TBK1: variants seen among roughly 807,000 people sequenced by gnomAD.
The protein encoded by TBK1 is serine/threonine-protein kinase TBK1.
A neutral mutation model predicts 99.9 loss-of-function variants in TBK1; 37 were observed. The ratio of observed to expected loss-of-function variants is 0.37; its 90% CI spans 0.28 to 0.49. The LOEUF (loss-of-function observed/expected upper bound fraction) is 0.49, where lower values mean the gene tolerates loss of function less well. TBK1 is among the 20% of genes least tolerant of loss of function. The pLI is 0.98. For synonymous variants in TBK1, 258 were observed against 279.8 expected (o/e 0.92, Z 0.78); for missense variants, 644 against 872.5 (o/e 0.74, Z 3.30).
chr12:64,466,592 A>G (rs536103135), intron 4 of TBK1, among the ~76,000 whole-genome samples: 126 of 152,232 alleles, frequency 8.3e-4, no homozygotes, highest in African/African-American at 2.9e-3. Flanking sequence ...ACCCACATAT[A>G]TATAACCAAA....
At chr12:64,496,866 A>C in intron 16 of TBK1, 83 bp from the exon 17 acceptor site, 1 of 882,558 alleles carries the variant, frequency 1.1e-6, no homozygotes, top group Non-Finnish European at 1.7e-6. Flanking sequence ...GGAAAGATAC[A>C]TTTCATATAT....
In TBK1 at chr12:64,485,513, GGTTA is replaced by G; in HGVS notation, c.1248+3_1248+6del. ...TAGACGGGGATGCTAGCATGGCTAA[GGTTA>G]GTATTTAATTTAATTACTATGTAAA... On this transcript the variant is annotated splice_donor_variant and splice_donor_region_variant and intron_variant, in intron 10 of 20. Transcript: ENST00000331710. LOFTEE classifies it high-confidence loss of function. 1 of 1,517,562 alleles carries G rather than the reference GGTTA, an allele frequency of 6.6e-7. No homozygotes were observed. The highest frequency in any genetic ancestry group is 1.2e-5 in the South Asian group (1 of 82,772). The allele number at this position is 1,517,562 out of a possible 1,614,324, so 94.0% of individuals were successfully genotyped here. A position where few individuals can be genotyped will look rare whatever the true frequency, so the allele number is the denominator to read the frequency against.
chr12:64,487,513 T>C (rs910094946), intron 11 of TBK1, among the ~76,000 whole-genome samples: 1 of 152,212 alleles, frequency 6.6e-6, no homozygotes, highest in African/African-American at 2.4e-5. Flanking sequence ...GCCTATGCTT[T>C]TCTGTTTCCA....
intron 13 of TBK1, among the ~76,000 whole-genome samples, chr12:64,492,997 G>A (rs915823288): frequency 6.7e-6 from 1 of 149,892 alleles, no homozygotes; most frequent in East Asian, 2.0e-4. Context: ...CTGGGTTCAC[G>A]CCATTCTCCT....
intron 5 of TBK1, among the ~76,000 whole-genome samples, chr12:64,471,780 A>G (rs572335918): frequency 3.2e-4 from 49 of 152,332 alleles, no homozygotes; most frequent in African/African-American, 1.1e-3. Context: ...CAAGCCAGTA[A>G]CACATCAGGA....
chr12:64,490,334 C>T (rs1034219118), intron 13 of TBK1, among the ~76,000 whole-genome samples: 1 of 152,030 alleles, frequency 6.6e-6, no homozygotes, highest in Non-Finnish European at 1.5e-5. Flanking sequence ...GGCAACTGCA[C>T]GAAATCTTGT....
rs750849456 is a variant in TBK1, at chr12:64,501,373, T to C, written c.2182T>C (p.Cys728Arg). ...TMDGGLRNVD[C>R]L ...GGATGGTGGCCTTCGCAACGTTGACTGTCTTTAGCTTTCTAATAGAAGTTT... is the reference window on the plus strand; with the variant it reads ...GGATGGTGGCCTTCGCAACGTTGACCGTCTTTAGCTTTCTAATAGAAGTTT... The change falls in exon 21 of 21, where the codon TGT becomes CGT. Residue 728 changes from cysteine to arginine, a missense_variant. By Grantham distance (180) the Cys-to-Arg change is radical (BLOSUM62 -3). Coordinates refer to ENST00000331710, the MANE Select transcript of TBK1 (RefSeq NM_013254.4). 3 of 1,613,894 alleles carry C rather than the reference T, an allele frequency of 1.9e-6. No homozygotes were observed. In the South Asian group the frequency reaches 3.3e-5, roughly 18 times the overall value.
chr12:64,497,791 A>G (rs1486051401), intron 19 of TBK1, 37 bp downstream of exon 19: 1 of 1,502,114 alleles, frequency 6.7e-7, no homozygotes, highest in South Asian at 1.2e-5. Context: ...TAGTGTTTCC[A>G]TTTGCTTTCA....
intron 13 of TBK1, among the ~76,000 whole-genome samples, chr12:64,493,189 C>T (rs968280044): frequency 1.4e-4 from 22 of 152,060 alleles, no homozygotes; most frequent in African/African-American, 5.1e-4. Context: ...CCACTGCGCC[C>T]GGCTTCGTAG....
intron 13 of TBK1, 123 bp from the exon 14 acceptor site, chr12:64,495,360 A>T: frequency 8.2e-7 from 1 of 1,217,086 alleles, no homozygotes; most frequent in Non-Finnish European, 1.1e-6. Context: ...GGAAATAATT[A>T]CTGTGCCTTT....
At chr12:64,495,308 C>G (rs2040914051) in intron 13 of TBK1, 175 bp from the exon 14 acceptor site, 5 of 691,024 alleles carry the variant, frequency 7.2e-6, no homozygotes, top group Non-Finnish European at 1.2e-5. Flanking sequence ...TACTGTACCC[C>G]TGGTGGAAAT....
chr12:64,455,863 C>T lies in TBK1; in HGVS notation c.-8C>T. ...AGTATAACAAGAGGATTGCCTGATCCAGCCAAGATGCAGAGCACTTCTAAT... is the reference window on the plus strand; with the variant it reads ...AGTATAACAAGAGGATTGCCTGATCTAGCCAAGATGCAGAGCACTTCTAAT... On this transcript the variant is annotated 5_prime_UTR_variant, in exon 2 of 21. Transcript: ENST00000331710. 2 of 1,602,750 alleles carry T rather than the reference C, an allele frequency of 1.2e-6. No individual in the cohort carries two copies. Among genetic ancestry groups the T allele is most frequent in the Middle Eastern group, 1.7e-4 (1 of 6,002 alleles).
chr12:64,460,059 G>T, intron 2 of TBK1, 130 bp from the exon 3 acceptor site: 2 of 535,144 alleles, frequency 3.7e-6, no homozygotes, highest in Non-Finnish European at 6.0e-6. Context: ...TCCTCATACA[G>T]ATTCCCTGTG....
At chr12:64,486,882 A>G (rs2040825865) in intron 11 of TBK1, among the ~76,000 whole-genome samples, 1 of 152,070 alleles carries the variant, frequency 6.6e-6, no homozygotes, top group South Asian at 2.1e-4. Flanking sequence ...TTCACTCTCC[A>G]TCTCCGCCTA....
At chr12:64,472,975 C>T (rs1415852489) in intron 5 of TBK1, among the ~76,000 whole-genome samples, 1 of 152,110 alleles carries the variant, frequency 6.6e-6, no homozygotes, top group African/African-American at 2.4e-5. Flanking sequence ...CAAGTTAGTC[C>T]TCTGAATTGA....
intron 13 of TBK1, 157 bp from the exon 14 acceptor site, chr12:64,495,326 A>G (rs2040914393): frequency 1.1e-6 from 1 of 912,290 alleles, no homozygotes; most frequent in South Asian, 1.8e-5. Flanking sequence ...AATCAACCTA[A>G]GAAACTCTTT....
At chr12:64,458,342 C>T (rs894052407) in intron 2 of TBK1, among the ~76,000 whole-genome samples, 3 of 151,996 alleles carry the variant, frequency 2.0e-5, no homozygotes, top group Non-Finnish European at 2.9e-5. Flanking sequence ...CAAATTCTTA[C>T]ATTTATTACT....
intron 6 of TBK1, 121 bp downstream of exon 6, chr12:64,474,511 T>A: frequency 1.0e-6 from 1 of 983,504 alleles, no homozygotes; most frequent in Non-Finnish European, 1.5e-6. Context: ...TCTGATATTT[T>A]AAGCTACCTG....
chr12:64,466,452 TG>T (rs2040605635), intron 4 of TBK1, among the ~76,000 whole-genome samples: 1 of 152,150 alleles, frequency 6.6e-6, no homozygotes, highest in South Asian at 2.1e-4. Flanking sequence ...GTTTCTTTTT[TG>T]CTGTTTTACA....
Sources: gnomAD v4.1 joint callset for allele counts (sites outside exome capture counted in the v4.1 genomes callset) on GRCh38, gnomAD v4.1.1 for gene constraint, MANE v1.5 for transcripts, NCBI Gene and HGNC (gene_info 2026-07-23, HGNC 2026-07-21) for gene names.